The following CAMK2B variants were observed in gnomAD, a reference collection of about 807,000 sequenced individuals.
CAMK2B encodes calcium/calmodulin dependent protein kinase II beta.
CAMK2B carries 27 observed loss-of-function variants against 93.7 expected under a neutral mutation model. The observed-to-expected ratio is 0.29, with a 90% CI of 0.21 to 0.40. The LOEUF is 0.40. Among genes scored for constraint, CAMK2B ranks in the 10% least tolerant of loss-of-function variants. The pLI, the probability that CAMK2B is intolerant of heterozygous loss-of-function variation, is 1.00. For missense variants in CAMK2B, 568 were observed against 895.8 expected (o/e 0.63, Z 4.67); for synonymous variants, 374 against 358.8 (o/e 1.04, Z -0.48).
chr7:44,231,068 G>T lies in CAMK2B; in HGVS notation c.1177-14C>A. The T allele has an allele frequency of 6.4e-7, 1 of 1,553,066 alleles. No homozygotes were observed. Among genetic ancestry groups the T allele is most frequent in the East Asian group, 2.4e-5 (1 of 41,034 alleles). On this transcript the variant is annotated splice_polypyrimidine_tract_variant and intron_variant, in intron 16 of 23. Transcript: ENST00000395749. ...GTCAGAAGACTCCTGAGGAAACACG[G>T]GAGGCAGCGGGTCAGGATGCGGCCA...
At chr7:44,243,229 C>G in intron 8 of CAMK2B, 21 bp downstream of exon 8, 1 of 1,598,178 alleles carries the variant, frequency 6.3e-7, no homozygotes, top group Non-Finnish European at 8.6e-7. Context: ...CTGCCCCGCA[C>G]CAACTCAGGC....
chr7:44,221,520 C>T (rs1396962329), intron 20 of CAMK2B, among the ~76,000 whole-genome samples: 2 of 149,826 alleles, frequency 1.3e-5, no homozygotes, highest in Non-Finnish European at 2.9e-5. Flanking sequence ...GCAGGGTTCC[C>T]CGGAGCGATG....
At chr7:44,255,105 C>T (rs964970287) in intron 4 of CAMK2B, among the ~76,000 whole-genome samples, 37 of 152,204 alleles carry the variant, frequency 2.4e-4, no homozygotes, top group Non-Finnish European at 4.9e-4. Flanking sequence ...TGGTGGCCCT[C>T]GCACAGGATC....
chr7:44,237,788 T>C (rs2096640161), intron 13 of CAMK2B, among the ~76,000 whole-genome samples: 1 of 152,100 alleles, frequency 6.6e-6, no homozygotes, highest in South Asian at 2.1e-4. Context: ...CTCAGACACC[T>C]GGGTTGGGGG....
At chr7:44,293,074 G>C (rs912344729) in intron 1 of CAMK2B, among the ~76,000 whole-genome samples, 1 of 152,074 alleles carries the variant, frequency 6.6e-6, no homozygotes. Context: ...TGGTCTCCTG[G>C]GGACCACGTG....
chr7:44,238,713 C>T (rs1449855571), intron 13 of CAMK2B, among the ~76,000 whole-genome samples: 2 of 152,266 alleles, frequency 1.3e-5, no homozygotes, highest in Non-Finnish European at 2.9e-5. Flanking sequence ...GAGGCACCGA[C>T]AGGGAACTCA....
intron 4 of CAMK2B, among the ~76,000 whole-genome samples, chr7:44,258,317 G>A (rs562748936): frequency 1.3e-5 from 2 of 152,220 alleles, no homozygotes; most frequent in South Asian, 2.1e-4. Context: ...ACCTCCACAC[G>A]CTCACTCATA....
intron 2 of CAMK2B, among the ~76,000 whole-genome samples, chr7:44,273,400 G>A (rs2096994127): frequency 6.6e-6 from 1 of 152,188 alleles, no homozygotes; most frequent in South Asian, 2.1e-4. Context: ...GGACTCCCGT[G>A]CTCACAAATC....
rs894550897 is a variant in CAMK2B at position 44,224,997 on chromosome 7, C to T, written c.1597+1519G>A. On this transcript the variant is annotated intron_variant, in intron 20 of 23. Transcript: ENST00000395749. The surrounding 1 kb of genome is among the most constrained non-coding windows in gnomAD (Gnocchi z 4.4). ...CTCCCAGGAGGGCCACACGAATCTC[C>T]ATCCTGCCCTGCTCACAGCTCCTTC... Among the ~76,000 whole-genome samples the T allele has an allele frequency of 1.3e-5, 2 of 152,108 alleles. No homozygotes were observed. Among genetic ancestry groups the T allele is most frequent in the African/African-American group, 2.4e-5 (1 of 41,420 alleles).
At chr7:44,321,303 C>T (rs1361930787) in intron 1 of CAMK2B, among the ~76,000 whole-genome samples, 3 of 152,300 alleles carry the variant, frequency 2.0e-5, no homozygotes, top group African/African-American at 4.8e-5. Flanking sequence ...GATGCCCCCG[C>T]GAGCGGTCAG....
intron 13 of CAMK2B, among the ~76,000 whole-genome samples, chr7:44,237,899 C>T: frequency 6.6e-6 from 1 of 152,196 alleles, no homozygotes. Context: ...TGCTGCCACC[C>T]TGCAGCTGGC....
intron 13 of CAMK2B, among the ~76,000 whole-genome samples, chr7:44,235,090 T>C (rs974243688): frequency 2.7e-5 from 4 of 147,504 alleles, no homozygotes; most frequent in African/African-American, 9.8e-5. Context: ...CCAGAGGTCA[T>C]GCCCTCCCGG....
chr7:44,295,547 A>G (rs1788058793), intron 1 of CAMK2B, among the ~76,000 whole-genome samples: 1 of 152,194 alleles, frequency 6.6e-6, no homozygotes, highest in African/African-American at 2.4e-5. Context: ...CAGTGTGGAC[A>G]AGTCTGAGAA....
chr7:44,271,287 G>A lies in CAMK2B; in HGVS notation c.161-8223C>T, dbSNP rs951726658. 3.9e-5 allele frequency among the ~76,000 whole-genome samples: 6 copies of A among 152,140 alleles called. No individual in the cohort carries two copies. The highest frequency in any genetic ancestry group is 1.4e-4 in the African/African-American group (6 of 41,432). Reference sequence around the variant, plus strand: ...CCAGGCACACTCTGCACCCTGCCTGGTACCAACACACTTAACTCAAGCGTC... The same window carrying A: ...CCAGGCACACTCTGCACCCTGCCTGATACCAACACACTTAACTCAAGCGTC... On this transcript the variant is annotated intron_variant, in intron 2 of 23. Transcript: ENST00000395749. The surrounding 1 kb of genome is among the most constrained non-coding windows in gnomAD (Gnocchi z 4.2).
intron 2 of CAMK2B, among the ~76,000 whole-genome samples, chr7:44,265,690 T>C (rs1263284813): frequency 6.6e-6 from 1 of 152,128 alleles, no homozygotes; most frequent in Non-Finnish European, 1.5e-5. Context: ...TTCCTGAGCA[T>C]GTGTTTAGGG....
chr7:44,228,850 C>T lies in CAMK2B; in HGVS notation c.1414G>A (p.Ala472Thr), dbSNP rs2096548350. 6.7e-7 allele frequency: 1 copy of T among 1,502,666 alleles called. No homozygotes were observed. The highest frequency in any genetic ancestry group is 1.4e-5 in the African/African-American group (1 of 71,700). 93.1% of individuals were successfully genotyped at this position (1,502,666 alleles called of 1,614,324 possible). Reference sequence around the variant, plus strand: ...GGAGACAGGCAGGGCGGGGGCCCCGCTGAGAGGGGGCCCTCGGCTTCTGGG... The same window carrying T: ...GGAGACAGGCAGGGCGGGGGCCCCGTTGAGAGGGGGCCCTCGGCTTCTGGG... ...GTPEAEGPLS[A>T]GPPPCLSPAL... The change falls in exon 19 of 24, where the codon GCG becomes ACG. Residue 472 changes from alanine to threonine, a missense_variant. By Grantham distance (58) the Ala-to-Thr change is moderately conservative. This residue lies in a region of CAMK2B where 308 missense variants were observed against 292.1 expected (regional missense o/e 1.05). Transcript: ENST00000395749.
intron 2 of CAMK2B, chr7:44,268,041 G>A (rs2096935690): frequency 6.6e-6 from 1 of 152,318 alleles, no homozygotes; most frequent in African/African-American, 2.4e-5. Flanking sequence ...CAAGTGCTGA[G>A]GCACAGGCAG....
chr7:44,257,230 C>T (rs951876463), intron 4 of CAMK2B, among the ~76,000 whole-genome samples: 1 of 152,120 alleles, frequency 6.6e-6, no homozygotes, highest in Non-Finnish European at 1.5e-5. Flanking sequence ...CCAGAAACTG[C>T]TGTCCCGGCC....
intron 2 of CAMK2B, 60 bp from the exon 3 acceptor site, chr7:44,263,124 C>G (rs1178529521): frequency 1.9e-6 from 3 of 1,538,898 alleles, no homozygotes; most frequent in Non-Finnish European, 2.7e-6. Context: ...GCCCAGGGAT[C>G]GTCCATGTCA....
Sources: allele counts gnomAD v4.1 joint callset (sites outside exome capture counted in the v4.1 genomes callset), GRCh38; gene constraint gnomAD v4.1.1; regional missense constraint gnomAD v4.1.1; non-coding constraint Gnocchi (gnomAD v3.1); transcripts MANE v1.5; gene names NCBI Gene and HGNC (gene_info 2026-07-23, HGNC 2026-07-21).